Variants in MYOF observed in about 807,000 individuals in gnomAD.
The protein encoded by MYOF is fer-1-like 3, myoferlin.
Under a neutral mutation model 284.2 loss-of-function variants are expected in MYOF, and 244 were observed. The observed-to-expected ratio is 0.86, with a 90% confidence interval of 0.77 to 0.95. MYOF has a LOEUF of 0.95. MYOF is among the 40% of genes least tolerant of loss of function. MYOF has a pLI of 0.00. For missense variants in MYOF, 2,496 were observed against 2,560.6 expected (o/e 0.97, Z 0.54); for synonymous variants, 904 against 919.7 (o/e 0.98, Z 0.31).
In MYOF at chr10:93,356,840, C is replaced by T; in HGVS notation, c.3129G>A (p.Glu1043=). 6.2e-7 allele frequency: 1 copy of T among 1,611,438 alleles called. No homozygotes were observed. Among genetic ancestry groups the T allele is most frequent in the Non-Finnish European group, 8.5e-7 (1 of 1,179,358 alleles). Residue 1043 remains glutamate, a synonymous_variant, in exon 30 of 54, where the codon GAG becomes GAA. Coordinates refer to ENST00000359263, the MANE Select transcript of MYOF (RefSeq NM_013451.4). ...CCCAGCCCTCTTGGTCTTGCAATTCCTCCATGGCCTAAAACAGAAGTAAAC... is the reference window on the plus strand; with the variant it reads ...CCCAGCCCTCTTGGTCTTGCAATTCTTCCATGGCCTAAAACAGAAGTAAAC... ...QTASSTARAM[E]ELQDQEGWEY... is the part of the protein sequence containing the mutation.
chr10:93,348,544 G>A (rs1236543823), intron 36 of MYOF, among the ~76,000 whole-genome samples: 1 of 152,128 alleles, frequency 6.6e-6, no homozygotes, highest in Non-Finnish European at 1.5e-5. Flanking sequence ...ACCAAGGCTA[G>A]ATTCCAGACT....
intron 2 of MYOF, among the ~76,000 whole-genome samples, chr10:93,452,382 G>A (rs1022538180): frequency 4.6e-5 from 7 of 152,080 alleles, no homozygotes; most frequent in Admixed American, 3.9e-4. Flanking sequence ...TCTAGGTTCT[G>A]TGGCTTCAAC....
chr10:93,407,526 C>T (rs185447543), intron 7 of MYOF, among the ~76,000 whole-genome samples: 1,977 of 145,898 alleles, frequency 0.014, 24 homozygotes, highest in Middle Eastern at 0.032. Context: ...GTCAAGAGAT[C>T]GAGACCATCC....
At chr10:93,347,345 G>T (rs1010708773) in intron 37 of MYOF, among the ~76,000 whole-genome samples, 17 of 151,284 alleles carry the variant, frequency 1.1e-4, no homozygotes, top group African/African-American at 4.1e-4. Flanking sequence ...GAGGTCAGGA[G>T]ATCGAGACCA....
At chr10:93,389,694 T>C (rs1208289746) in intron 17 of MYOF, among the ~76,000 whole-genome samples, 2 of 152,226 alleles carry the variant, frequency 1.3e-5, no homozygotes, top group South Asian at 4.1e-4. Context: ...ATAAATGACA[T>C]GAAGATTCCC....
At chr10:93,445,090 A>AT (rs774396198) in intron 3 of MYOF, among the ~76,000 whole-genome samples, 17 of 152,020 alleles carry the variant, frequency 1.1e-4, no homozygotes, top group South Asian at 2.1e-4. Flanking sequence ...TGAGAATTAA[A>AT]TTTTTTTTTG....
intron 46 of MYOF, among the ~76,000 whole-genome samples, chr10:93,325,457 T>C (rs113315087): frequency 6.8e-4 from 104 of 152,270 alleles, no homozygotes; most frequent in African/African-American, 2.3e-3. Context: ...CAAATCCCTA[T>C]GCATTTAGAA....
rs149753223 is a variant in MYOF, at chr10:93,345,522, C to T, written c.4250-1590G>A. ...TTACTGTGTGAGGTAGTTTTAGATCCACGTGGCACCCCTAGACCTGTAAGC... is the reference window on the plus strand; with the variant it reads ...TTACTGTGTGAGGTAGTTTTAGATCTACGTGGCACCCCTAGACCTGTAAGC... On this transcript the variant is annotated intron_variant, in intron 37 of 53. Coordinates refer to ENST00000359263, the MANE Select transcript of MYOF (RefSeq NM_013451.4). Among the ~76,000 whole-genome samples the T allele has an allele frequency of 8.0e-3, 1,212 of 152,254 alleles. 16 individuals carry two copies. Among genetic ancestry groups the T allele is most frequent in the Non-Finnish European group, 0.014 (924 of 68,018 alleles).
intron 5 of MYOF, among the ~76,000 whole-genome samples, chr10:93,418,086 G>A (rs2134160307): frequency 6.6e-6 from 1 of 152,310 alleles, no homozygotes; most frequent in East Asian, 1.9e-4. Context: ...TCAGGCATGA[G>A]CCACGGTGCC....
At chr10:93,436,063 C>G (rs973636883) in intron 3 of MYOF, among the ~76,000 whole-genome samples, 1 of 151,402 alleles carries the variant, frequency 6.6e-6, no homozygotes, top group Non-Finnish European at 1.5e-5. Context: ...CTTATAATGT[C>G]GTGAATCAAA....
At chr10:93,341,952 T>C in intron 38 of MYOF, 1 of 1,289,844 alleles carries the variant, frequency 7.8e-7, no homozygotes. Flanking sequence ...TGAGTGCTGT[T>C]GACATACTGC....
chr10:93,445,019 TA>T lies in MYOF; in HGVS notation c.236+7030del, dbSNP rs1237593301. ...ATAAGTGACTTCCTACTCAACAGTA[TA>T]AAAATGCTTAAAATTTTTACCTAGG... On this transcript the variant is annotated intron_variant, in intron 3 of 53. Coordinates refer to ENST00000359263, the MANE Select transcript of MYOF (RefSeq NM_013451.4). 2.6e-5 allele frequency among the ~76,000 whole-genome samples: 4 copies of T among 152,222 alleles called. No homozygotes were observed. The South Asian group carries it at 8.3e-4, about 32-fold the overall frequency.
intron 3 of MYOF, among the ~76,000 whole-genome samples, chr10:93,440,238 C>T (rs955178724): frequency 2.0e-5 from 3 of 152,074 alleles, no homozygotes. Context: ...ATGGTGAAAC[C>T]CCATTTCTAC....
chr10:93,386,083 T>C (rs985244566), intron 19 of MYOF, among the ~76,000 whole-genome samples: 1 of 152,226 alleles, frequency 6.6e-6, no homozygotes, highest in South Asian at 2.1e-4. Flanking sequence ...AGAGGTACTA[T>C]AATGGTTGAG....
chr10:93,396,415 T>G (rs1238783745), intron 15 of MYOF, among the ~76,000 whole-genome samples, 191 bp from the exon 16 acceptor site: 1 of 152,070 alleles, frequency 6.6e-6, no homozygotes, highest in Admixed American at 6.6e-5. Context: ...CTCACCCTCA[T>G]CTCCTGCCCA....
intron 46 of MYOF, among the ~76,000 whole-genome samples, chr10:93,324,865 C>T (rs1389577258): frequency 6.6e-6 from 1 of 152,074 alleles, no homozygotes; most frequent in South Asian, 2.1e-4. Context: ...CTGCAACCTC[C>T]ACCTCCCTGG....
At position 93,456,900 on chromosome 10, in the gene MYOF, C is replaced by A. The variant is rs373845550; in HGVS notation, c.126G>T (p.Leu42Phe). 4.2e-5 allele frequency: 68 copies of A among 1,608,670 alleles called. No homozygotes were observed. Among genetic ancestry groups the A allele is most frequent in the Non-Finnish European group, 5.5e-5 (65 of 1,177,878 alleles). ...AAGTCACCTCATTCCAGACAGGGTT[C>A]AATTCATTATCAACTTTCTTTGTTT... ...KKKTKKVDNE[L>F]NPVWNEILEF... The change falls in exon 2 of 54, where the codon TTG becomes TTT. Residue 42 changes from leucine to phenylalanine, a missense_variant. By Grantham distance (22) the Leu-to-Phe change is conservative (BLOSUM62 0). Around this residue, in one of 3 missense-constraint regions of MYOF, gnomAD observed 57 missense variants for 62.4 expected, o/e 0.91. Coordinates refer to ENST00000359263, the MANE Select transcript of MYOF (RefSeq NM_013451.4).
chr10:93,355,494 G>A, intron 31 of MYOF, 134 bp downstream of exon 31: 1 of 571,624 alleles, frequency 1.7e-6, no homozygotes, highest in South Asian at 2.7e-5. Context: ...GCTGAGGCAG[G>A]AGAATTGCTT....
chr10:93,392,800 A>C, intron 17 of MYOF, 117 bp downstream of exon 17: 1 of 938,972 alleles, frequency 1.1e-6, no homozygotes, highest in Non-Finnish European at 1.7e-6. Flanking sequence ...TACTTTAGCA[A>C]AACTATGTTG....
Sources: allele counts gnomAD v4.1 joint callset (sites outside exome capture counted in the v4.1 genomes callset), GRCh38; gene constraint gnomAD v4.1.1; regional missense constraint gnomAD v4.1.1; transcripts MANE v1.5; gene names NCBI Gene and HGNC (gene_info 2026-07-23, HGNC 2026-07-21).